Variants in PLEKHH2 observed in about 807,000 individuals in gnomAD.
The protein encoded by PLEKHH2 is pleckstrin homology, MyTH4 and FERM domain containing H2.
A neutral mutation model predicts 187.9 loss-of-function variants in PLEKHH2; 129 were observed. That is an observed-to-expected ratio of 0.69 (90% confidence interval 0.59 to 0.79). The LOEUF is 0.79. Ranked by LOEUF, PLEKHH2 falls within the 30% of genes least tolerant of loss-of-function variation. The probability of loss-of-function intolerance (pLI) is 0.00; values close to 1 mark genes in which losing one functional copy is unlikely to be tolerated. For synonymous variants in PLEKHH2, 686 were observed against 605.6 expected (o/e 1.13, Z -1.95); for missense variants, 2,076 against 1,751.2 (o/e 1.19, Z -3.31).
In PLEKHH2 at chr2:43,707,447, G is replaced by C. The variant is rs372149196; in HGVS notation, c.1868G>C (p.Gly623Ala). 2 of 1,613,968 alleles carry C rather than the reference G, an allele frequency of 1.2e-6. No homozygotes were observed. Among genetic ancestry groups the C allele is most frequent in the South Asian group, 2.2e-5 (2 of 91,076 alleles). The change falls in exon 11 of 30, where the codon GGG (glycine) becomes GCG (alanine). Residue 623 changes from glycine (G) to alanine (A), a missense_variant. Gly to Ala is a moderately conservative substitution (Grantham distance 60). Transcript: ENST00000282406. ...AGCCCTTTCCTGGATGACTCATCTG[G>C]GTCAGAGGAAGAAGACAGCTCCAGA... ...SSSPFLDDSS[G>A]SEEEDSSRSS...
intron 2 of PLEKHH2, among the ~76,000 whole-genome samples, chr2:43,646,017 G>C (rs1666168224): frequency 6.6e-6 from 1 of 152,082 alleles, no homozygotes; most frequent in Non-Finnish European, 1.5e-5. Context: ...GTCTAAACTT[G>C]CATATATATC....
intron 2 of PLEKHH2, among the ~76,000 whole-genome samples, chr2:43,659,350 C>G (rs1393075445): frequency 6.6e-6 from 1 of 151,724 alleles, no homozygotes; most frequent in Non-Finnish European, 1.5e-5. Context: ...TAACACCTCC[C>G]TGCTGTTTTT....
intron 2 of PLEKHH2, among the ~76,000 whole-genome samples, chr2:43,670,070 C>G (rs1667420979): frequency 1.3e-5 from 2 of 152,094 alleles, no homozygotes; most frequent in South Asian, 4.1e-4. Flanking sequence ...GAATGACCCA[C>G]TTCAAGGCAT....
At chr2:43,733,436 A>G (rs928905781) in intron 19 of PLEKHH2, among the ~76,000 whole-genome samples, 7 of 151,716 alleles carry the variant, frequency 4.6e-5, no homozygotes, top group African/African-American at 1.5e-4. Context: ...GCCTCAGATA[A>G]CGGTGGACCT....
Position 43,763,679 on chromosome 2 carries a change from C to A in PLEKHH2, c.4159-549C>A, listed in dbSNP as rs1672516377. On this transcript the variant is annotated intron_variant, in intron 28 of 29. Transcript: ENST00000282406. The stretch of plus-strand genomic sequence containing the variant: ...CTCCCACCTCAGCCTCAGGCGTGAG[C>A]CATCAGGCCCGGCCTAAGTTATATT... Among the ~76,000 whole-genome samples the A allele has an allele frequency of 2.0e-5, 3 of 151,738 alleles. No individual in the cohort carries two copies. In the South Asian group the frequency reaches 6.2e-4, roughly 32 times the overall value.
chr2:43,646,079 C>T (rs1253656528), intron 2 of PLEKHH2, among the ~76,000 whole-genome samples: 2 of 152,068 alleles, frequency 1.3e-5, no homozygotes, highest in Non-Finnish European at 2.9e-5. Flanking sequence ...TAAAGTTATC[C>T]TTACTCACTT....
chr2:43,743,737 T>A, intron 22 of PLEKHH2, 97 bp from the exon 23 acceptor site: 1 of 1,108,040 alleles, frequency 9.0e-7, no homozygotes, highest in African/African-American at 1.6e-5. Context: ...TATGTTATCA[T>A]TAATCATGCA....
Position 43,742,845 on chromosome 2 carries a change from C to T in PLEKHH2, c.3326C>T (p.Thr1109Ile). The T allele has an allele frequency of 6.2e-7, 1 of 1,609,884 alleles. No homozygotes were observed. Among genetic ancestry groups the T allele is most frequent in the Non-Finnish European group, 8.5e-7 (1 of 1,178,376 alleles). Residue 1109 changes from threonine to isoleucine, a missense_variant, in exon 22 of 30, where the codon ACT becomes ATT. By Grantham distance (89) the Thr-to-Ile change is moderately conservative. Coordinates refer to ENST00000282406, the MANE Select transcript of PLEKHH2 (RefSeq NM_172069.4). ...CCCTCAAGGATGGAAATTCTTTCAACTCTTCTCCGAAACCCTTATCACCAT... is the reference window on the plus strand; with the variant it reads ...CCCTCAAGGATGGAAATTCTTTCAATTCTTCTCCGAAACCCTTATCACCAT... Reference protein sequence around the residue: ...ARPSRMEILSTLLRNPYHHSL... With the variant: ...ARPSRMEILSILLRNPYHHSL...
chr2:43,656,904 A>C (rs1666798167), intron 2 of PLEKHH2, among the ~76,000 whole-genome samples: 2 of 152,198 alleles, frequency 1.3e-5, no homozygotes, highest in African/African-American at 4.8e-5. Flanking sequence ...CTGTAATCCC[A>C]GCTACTTGGG....
rs4953002 is a variant in PLEKHH2, at chr2:43,704,037, T to C, written c.1707T>C (p.Asn569=). The part of the protein sequence containing the change: ...KSGIRMSEAF[N]MESVNKNSAA... ...GTATTCGAATGTCTGAGGCCTTCAA[T>C]ATGGAGAGTGTTAATAAAAGTAAGT... The change falls in exon 9 of 30, where the codon AAT becomes AAC. Residue 569 remains asparagine, a synonymous_variant. Transcript: ENST00000282406. 0.52 allele frequency: 836,038 copies of C among 1,598,444 alleles called. 222,979 individuals carry two copies. The highest frequency in any genetic ancestry group is 0.59 in the Middle Eastern group (3,587 of 6,032).
At chr2:43,639,203 T>C (rs6544682) in intron 1 of PLEKHH2, among the ~76,000 whole-genome samples, 88,939 of 151,984 alleles carry the variant, frequency 0.59, 26,533 homozygotes, top group Middle Eastern at 0.68. Flanking sequence ...CTAGTATACA[T>C]CCATTTAAAC....
intron 15 of PLEKHH2, among the ~76,000 whole-genome samples, chr2:43,712,764 G>A (rs1471726396): frequency 6.6e-6 from 1 of 152,052 alleles, no homozygotes; most frequent in Non-Finnish European, 1.5e-5. Flanking sequence ...AAGACTCAAT[G>A]GGCAGGAAAG....
intron 13 of PLEKHH2, 43 bp from the exon 14 acceptor site, chr2:43,710,446 G>A (rs1669902823): frequency 6.3e-7 from 1 of 1,584,112 alleles, no homozygotes; most frequent in South Asian, 1.2e-5. Context: ...TATTATTACT[G>A]TTAAAGTTAA....
chr2:43,697,369 T>C lies in PLEKHH2; in HGVS notation c.688+13T>C. 1 of 1,587,818 alleles carries C rather than the reference T, an allele frequency of 6.3e-7. No individual in the cohort carries two copies. On this transcript the variant is annotated intron_variant, in intron 7 of 29. Transcript: ENST00000282406. ...AAAGACATGGAAGGTATTTATGAAC[T>C]ACAGGAATTGACTTTGGCATTTTTT...
rs111720854 is a variant in PLEKHH2, at chr2:43,728,644, C to G, written c.2722-993C>G. Among the ~76,000 whole-genome samples, 1,089 of 149,970 alleles carry G rather than the reference C, an allele frequency of 7.3e-3. 15 individuals are homozygous for G. The highest frequency in any genetic ancestry group is 0.025 in the African/African-American group (1,034 of 40,786). ...TGGCGTGATCTCGGCTCACTGCAAC[C>G]TCCGCCTCCTGGGTTCAAGAGATTC... On this transcript the variant is annotated intron_variant, in intron 17 of 29. Coordinates refer to ENST00000282406, the MANE Select transcript of PLEKHH2 (RefSeq NM_172069.4).
At chr2:43,734,353 C>T (rs569020767) in intron 19 of PLEKHH2, among the ~76,000 whole-genome samples, 74 of 152,218 alleles carry the variant, frequency 4.9e-4, no homozygotes, top group Non-Finnish European at 7.9e-4. Flanking sequence ...AAAATATTAG[C>T]AATTAGAATC....
At chr2:43,702,415 G>GTTATA (rs1553340261) in intron 8 of PLEKHH2, among the ~76,000 whole-genome samples, 1 of 150,694 alleles carries the variant, frequency 6.6e-6, no homozygotes, top group Non-Finnish European at 1.5e-5. Flanking sequence ...TTCTAATTAT[G>GTTATA]TTATACTTTA....
intron 3 of PLEKHH2, among the ~76,000 whole-genome samples, chr2:43,689,419 G>GT (rs1668687840): frequency 6.6e-6 from 1 of 152,244 alleles, no homozygotes; most frequent in African/African-American, 2.4e-5. Context: ...TGAATTCACA[G>GT]GTGTTTGTTA....
chr2:43,711,938 G>C, intron 14 of PLEKHH2: 2 of 1,083,444 alleles, frequency 1.8e-6, no homozygotes, highest in Non-Finnish European at 1.1e-6. Flanking sequence ...ACACATTTAA[G>C]CAAGAAAGGG....
Sources: gnomAD v4.1 joint callset for allele counts (sites outside exome capture counted in the v4.1 genomes callset) on GRCh38, gnomAD v4.1.1 for gene constraint, MANE v1.5 for transcripts, NCBI Gene and HGNC (gene_info 2026-07-23, HGNC 2026-07-21) for gene names.